The following SNCAIP variants were observed in gnomAD, a reference collection of about 807,000 sequenced individuals.
SNCAIP encodes the protein synphilin-1.
A neutral mutation model predicts 86.7 loss-of-function variants in SNCAIP; 43 were observed. The ratio of observed to expected loss-of-function variants is 0.50; its 90% confidence interval spans 0.39 to 0.64. SNCAIP has a LOEUF of 0.64. Ranked by LOEUF, SNCAIP falls within the 30% of genes least tolerant of loss-of-function variation. The pLI, the probability that SNCAIP is intolerant of heterozygous loss-of-function variation, is 0.00. For missense variants in SNCAIP, 981 were observed against 1,103.1 expected (o/e 0.89, Z 1.57); for synonymous variants, 417 against 427.2 (o/e 0.98, Z 0.29).
In SNCAIP at chr5:122,451,036, G is replaced by A; in HGVS notation, c.2189G>A (p.Gly730Glu). 6.2e-7 allele frequency: 1 copy of A among 1,614,174 alleles called. No homozygotes were observed. Among genetic ancestry groups the A allele is most frequent in the Non-Finnish European group, 8.5e-7 (1 of 1,180,026 alleles). Residue 730 changes from glycine (G) to glutamate (E), a missense_variant, in exon 10 of 11, where the codon GGA becomes GAA. Physicochemically the swap from Gly to Glu is moderately conservative, Grantham distance 98. Coordinates refer to ENST00000261368, the MANE Select transcript of SNCAIP (RefSeq NM_005460.4). ...AAGAAACACACCTTGGCATCAGGGG[G>A]ACGCAGGTTTCCTTTCAGCATCAAG... is the stretch of plus-strand genomic sequence containing the variant. ...MIKKHTLASG[G>E]RRFPFSIKAS...
chr5:122,313,712 C>T (rs559488919), intron 1 of SNCAIP, among the ~76,000 whole-genome samples: 1 of 152,194 alleles, frequency 6.6e-6, no homozygotes, highest in Admixed American at 6.5e-5. Flanking sequence ...GGTTAGAGTA[C>T]AAGGAGACAC....
chr5:122,340,161 T>G (rs544691859), intron 1 of SNCAIP, among the ~76,000 whole-genome samples: 1 of 152,192 alleles, frequency 6.6e-6, no homozygotes, highest in South Asian at 2.1e-4. Flanking sequence ...GATTTTTTTT[T>G]CCCTGTTGCA....
intron 1 of SNCAIP, among the ~76,000 whole-genome samples, chr5:122,339,733 C>T (rs10071978): frequency 0.046 from 7,011 of 152,182 alleles, 528 homozygotes; most frequent in African/African-American, 0.16. Context: ...ATTTATGGAA[C>T]GCAAGCTGCT....
intron 8 of SNCAIP, among the ~76,000 whole-genome samples, chr5:122,445,667 CA>C (rs1782126907): frequency 6.7e-6 from 1 of 149,868 alleles, no homozygotes; most frequent in Non-Finnish European, 1.5e-5. Flanking sequence ...CACACACACA[CA>C]CACACATTTT....
chr5:122,363,885 C>T (rs1387391587), intron 1 of SNCAIP, among the ~76,000 whole-genome samples: 1 of 151,808 alleles, frequency 6.6e-6, no homozygotes, highest in South Asian at 2.1e-4. Flanking sequence ...TGCAGTTATG[C>T]AATCGTAGTT....
intron 8 of SNCAIP, among the ~76,000 whole-genome samples, chr5:122,448,616 T>A (rs1348386427): frequency 2.1e-5 from 3 of 140,250 alleles, no homozygotes; most frequent in African/African-American, 8.0e-5. Context: ...TATATATTTT[T>A]ATATATATAA....
intron 10 of SNCAIP, among the ~76,000 whole-genome samples, chr5:122,459,291 T>A (rs1443382988): frequency 6.6e-6 from 1 of 152,188 alleles, no homozygotes; most frequent in African/African-American, 2.4e-5. Context: ...ATGCTGTAAG[T>A]TGCAGTCTGG....
At chr5:122,323,692 A>T (rs1298529510) in intron 1 of SNCAIP, among the ~76,000 whole-genome samples, 1 of 152,250 alleles carries the variant, frequency 6.6e-6, no homozygotes, top group Non-Finnish European at 1.5e-5. Context: ...AGTTACCACG[A>T]AAATAGAGTG....
chr5:122,367,656 G>A (rs1041474226), intron 1 of SNCAIP, among the ~76,000 whole-genome samples: 4 of 152,106 alleles, frequency 2.6e-5, no homozygotes, highest in African/African-American at 9.7e-5. Context: ...CACTTATGCT[G>A]CAAAGACAGT....
At chr5:122,441,779 G>T (rs1747115849) in intron 7 of SNCAIP, among the ~76,000 whole-genome samples, 1 of 152,128 alleles carries the variant, frequency 6.6e-6, no homozygotes, top group South Asian at 2.1e-4. Flanking sequence ...TGAAGGAGGA[G>T]TAGCAGATGG....
At chr5:122,456,579 C>T (rs2153022547) in intron 10 of SNCAIP, among the ~76,000 whole-genome samples, 1 of 152,300 alleles carries the variant, frequency 6.6e-6, no homozygotes, top group Non-Finnish European at 1.5e-5. Flanking sequence ...AGAGCATATC[C>T]TCAGCCCCAC....
chr5:122,432,115 G>T, intron 6 of SNCAIP, 33 bp downstream of exon 6: 1 of 885,672 alleles, frequency 1.1e-6, no homozygotes, highest in Admixed American at 1.7e-5. Context: ...TCTTCCCTTT[G>T]TGTACCATAT....
At chr5:122,372,748 G>T (rs767288525) in intron 1 of SNCAIP, among the ~76,000 whole-genome samples, 1 of 151,900 alleles carries the variant, frequency 6.6e-6, no homozygotes, top group Non-Finnish European at 1.5e-5. Flanking sequence ...ATATTTGCTC[G>T]TGGACATAAT....
chr5:122,449,797 G>A (rs143336055), intron 8 of SNCAIP, 48 bp from the exon 9 acceptor site: 1 of 1,189,196 alleles, frequency 8.4e-7, no homozygotes, highest in East Asian at 2.3e-5. Context: ...CTAATTTATA[G>A]CAGTAACCAG....
chr5:122,364,934 G>T (rs1198302479), intron 1 of SNCAIP, among the ~76,000 whole-genome samples: 1 of 152,206 alleles, frequency 6.6e-6, no homozygotes, highest in South Asian at 2.1e-4. Flanking sequence ...ACTGCTCAGT[G>T]CCTTTTTCCA....
Position 122,379,002 on chromosome 5 carries a change from G to C in SNCAIP, c.-46-12087G>C, listed in dbSNP as rs1369300256. 1.6e-4 allele frequency among the ~76,000 whole-genome samples: 20 copies of C among 125,050 alleles called. 2 individuals carry two copies. The highest frequency in any genetic ancestry group is 3.9e-4 in the Admixed American group (5 of 12,860). The allele number at this position is 125,050 out of a possible 152,430, so 82.0% of individuals were successfully genotyped here. On this transcript the variant is annotated intron_variant, in intron 1 of 10. Transcript: ENST00000261368. ...CCTCCAGCTTTGTTCTTTTGGCTTA[G>C]GATTGACTTGGCGATGCGGGCTCTT...
At chr5:122,329,870 C>T (rs1190484613) in intron 1 of SNCAIP, among the ~76,000 whole-genome samples, 1 of 152,100 alleles carries the variant, frequency 6.6e-6, no homozygotes, top group Non-Finnish European at 1.5e-5. Context: ...CCATCATAAG[C>T]TTAGGAGTTG....
chr5:122,319,934 G>A (rs141929864), intron 1 of SNCAIP, among the ~76,000 whole-genome samples: 5 of 152,328 alleles, frequency 3.3e-5, no homozygotes, highest in Non-Finnish European at 5.9e-5. Context: ...CAGAACCCAG[G>A]TTTGTATCAC....
At chr5:122,324,100 A>G (rs1158412198) in intron 1 of SNCAIP, among the ~76,000 whole-genome samples, 1 of 152,200 alleles carries the variant, frequency 6.6e-6, no homozygotes, top group African/African-American at 2.4e-5. Context: ...AAAAACCCAC[A>G]GGGAAAAATT....
Sources: gnomAD v4.1 joint callset for allele counts (sites outside exome capture counted in the v4.1 genomes callset) on GRCh38, gnomAD v4.1.1 for gene constraint, MANE v1.5 for transcripts, NCBI Gene and HGNC (gene_info 2026-07-23, HGNC 2026-07-21) for gene names.